ACSM1: variants seen among roughly 807,000 people sequenced by gnomAD.
ACSM1 encodes acyl-CoA synthetase medium chain family member 1.
Under a neutral mutation model 75.8 loss-of-function variants are expected in ACSM1, and 79 were observed. That is an observed-to-expected ratio of 1.04 (90% CI 0.87 to 1.26). ACSM1 has a LOEUF of 1.26. ACSM1 is among the 50% of genes most tolerant of loss of function. The probability of loss-of-function intolerance (pLI) is 0.00; values close to 1 mark genes in which losing one functional copy is unlikely to be tolerated. For synonymous variants in ACSM1, 279 were observed against 265.8 expected, an observed-to-expected ratio of 1.05 and a Z score of -0.48; for missense variants, 676 against 720.1, an observed-to-expected ratio of 0.94 and a Z score of 0.70.
At chr16:20,628,655 C>T (rs2017143820) in intron 10 of ACSM1, among the ~76,000 whole-genome samples, 1 of 151,898 alleles carries the variant, frequency 6.6e-6, no homozygotes, top group African/African-American at 2.4e-5. Flanking sequence ...ATGGATGTAG[C>T]TGAGTTTTTG....
At chr16:20,649,987 A>G (rs1326250250) in intron 7 of ACSM1, among the ~76,000 whole-genome samples, 1 of 152,204 alleles carries the variant, frequency 6.6e-6, no homozygotes, top group Non-Finnish European at 1.5e-5. Flanking sequence ...GAGAAGACTC[A>G]GGACCTTGAA....
chr16:20,685,831 A>AAAT (rs2079541525), intron 2 of ACSM1, among the ~76,000 whole-genome samples: 1 of 116,832 alleles, frequency 8.6e-6, no homozygotes, highest in Non-Finnish European at 1.9e-5. Context: ...AAAAAAAAAA[A>AAAT]CAAACAAAAA....
intron 10 of ACSM1, among the ~76,000 whole-genome samples, chr16:20,628,823 G>A (rs902660630): frequency 6.6e-6 from 1 of 152,128 alleles, no homozygotes; most frequent in South Asian, 2.1e-4. Context: ...AAGCTTGAGG[G>A]AGGCACATTT....
At chr16:20,631,616 A>C (rs2017352526) in intron 10 of ACSM1, among the ~76,000 whole-genome samples, 1 of 152,224 alleles carries the variant, frequency 6.6e-6, no homozygotes, top group African/African-American at 2.4e-5. Context: ...GAACCAACCA[A>C]AGTGCCCATC....
At chr16:20,646,088 G>A (rs922090467) in intron 7 of ACSM1, among the ~76,000 whole-genome samples, 59 of 152,088 alleles carry the variant, frequency 3.9e-4, no homozygotes, top group African/African-American at 1.3e-3. Flanking sequence ...TAGAGATCAG[G>A]AGTAGCAGGT....
At chr16:20,627,431 G>T in intron 10 of ACSM1, 115 bp from the exon 11 acceptor site, 1 of 1,251,704 alleles carries the variant, frequency 8.0e-7, no homozygotes. Context: ...CGGTACCTGG[G>T]CAAGTTTTGC....
chr16:20,639,538 G>C (rs1316844862), intron 8 of ACSM1, among the ~76,000 whole-genome samples: 1 of 152,180 alleles, frequency 6.6e-6, no homozygotes, highest in Non-Finnish European at 1.5e-5. Context: ...CTGAGCTGAT[G>C]ATAACAGGGA....
In ACSM1 at chr16:20,682,093, C is replaced by G; in HGVS notation, c.611+163G>C. 3 of 649,692 alleles carry G rather than the reference C, an allele frequency of 4.6e-6. No individual in the cohort carries two copies. The South Asian group carries it at 5.9e-5, about 13-fold the overall frequency. The allele number at this position is 649,692 out of a possible 1,614,324, so 40.2% of individuals were successfully genotyped here. On this transcript the variant is annotated intron_variant, in intron 4 of 13. Transcript: ENST00000520010. ...ACCCCATGAAATGCTTAAAAGGTAA[C>G]CTGACTCTTTGTTCAGGGCTCAGTC...
chr16:20,671,812 G>T, intron 4 of ACSM1, 141 bp from the exon 5 acceptor site: 1 of 874,806 alleles, frequency 1.1e-6, no homozygotes, highest in South Asian at 3.0e-5. Flanking sequence ...CCGGAGTTAG[G>T]CATCACACTG....
intron 7 of ACSM1, among the ~76,000 whole-genome samples, chr16:20,649,338 A>G (rs2018527055): frequency 6.6e-6 from 1 of 152,198 alleles, no homozygotes; most frequent in African/African-American, 2.4e-5. Context: ...TTATGAGACA[A>G]GGAAGAAAAT....
intron 4 of ACSM1, among the ~76,000 whole-genome samples, chr16:20,672,471 A>AAAAAAAATATATATATATATAT (rs1555473775): frequency 1.5e-5 from 1 of 64,574 alleles, no homozygotes; most frequent in African/African-American, 6.1e-5. Context: ...AAAAAAAAAA[A>AAAAAAAATATATATATATATAT]ATATATATAT....
At chr16:20,668,163 A>T (rs1389629314) in intron 6 of ACSM1, among the ~76,000 whole-genome samples, 3 of 152,218 alleles carry the variant, frequency 2.0e-5, no homozygotes, top group African/African-American at 7.2e-5. Context: ...TGAATCAAAA[A>T]TTTAAAAGAC....
intron 7 of ACSM1, among the ~76,000 whole-genome samples, chr16:20,643,554 T>C (rs1032044398): frequency 2.0e-5 from 3 of 152,082 alleles, no homozygotes; most frequent in Admixed American, 6.6e-5. Flanking sequence ...TCGTGGTGAG[T>C]GTTACAGCTC....
At position 20,691,250 on chromosome 16, in the gene ACSM1, G is replaced by A. The variant is rs868308890; in HGVS notation, c.-51-11C>T. 1 of 1,379,478 alleles carries A rather than the reference G, an allele frequency of 7.2e-7. No individual in the cohort carries two copies. Among genetic ancestry groups the A allele is most frequent in the Non-Finnish European group, 9.7e-7 (1 of 1,029,068 alleles). The allele number at this position is 1,379,478 out of a possible 1,614,324, so 85.5% of individuals were successfully genotyped here. On this transcript the variant is annotated splice_polypyrimidine_tract_variant and intron_variant, in intron 1 of 13. Transcript: ENST00000520010. Reference sequence around the variant, plus strand: ...CAAGTCACCACCTGCCTTGGGAAGAGATGGCTAATAGATTGGCTGTGTATC... The same window carrying A: ...CAAGTCACCACCTGCCTTGGGAAGAAATGGCTAATAGATTGGCTGTGTATC...
intron 10 of ACSM1, among the ~76,000 whole-genome samples, chr16:20,634,082 T>C (rs1472776697): frequency 3.3e-5 from 5 of 152,164 alleles, no homozygotes; most frequent in African/African-American, 1.2e-4. Flanking sequence ...CTCCCATATA[T>C]TGTCAATTGA....
intron 4 of ACSM1, chr16:20,674,365 T>C (rs1367235963): frequency 4.5e-6 from 1 of 220,538 alleles, no homozygotes; most frequent in Admixed American, 5.5e-5. Flanking sequence ...AAGTAAGAAA[T>C]GATGTAATGC....
chr16:20,654,727 C>T (rs1453067718), intron 7 of ACSM1, among the ~76,000 whole-genome samples: 3 of 152,018 alleles, frequency 2.0e-5, no homozygotes, highest in African/African-American at 7.2e-5. Flanking sequence ...GTTAGAATGG[C>T]GATCATTAAA....
At chr16:20,629,465 T>C (rs889430041) in intron 10 of ACSM1, among the ~76,000 whole-genome samples, 14 of 152,092 alleles carry the variant, frequency 9.2e-5, no homozygotes, top group African/African-American at 2.9e-4. Context: ...AAAAAATGTG[T>C]CACTACAAAA....
chr16:20,656,723 T>A (rs1458524528), intron 7 of ACSM1, among the ~76,000 whole-genome samples: 1 of 152,102 alleles, frequency 6.6e-6, no homozygotes, highest in African/African-American at 2.4e-5. Context: ...TCATTTGACA[T>A]CCCGCTGGGC....
Sources: gnomAD v4.1 joint callset for allele counts (sites outside exome capture counted in the v4.1 genomes callset) on GRCh38, gnomAD v4.1.1 for gene constraint, MANE v1.5 for transcripts, NCBI Gene and HGNC (gene_info 2026-07-23, HGNC 2026-07-21) for gene names.